TBXAS1: variants seen among roughly 807,000 people sequenced by gnomAD.
The protein encoded by TBXAS1 is thromboxane-A synthase.
TBXAS1 carries 48 observed loss-of-function variants against 60.7 expected under a neutral mutation model. The ratio of observed to expected loss-of-function variants is 0.79; its 90% CI spans 0.63 to 1.01. The LOEUF is 1.01. Ranked by LOEUF, TBXAS1 falls within the 50% of genes least tolerant of loss-of-function variation. TBXAS1 has a pLI of 0.00. For missense variants in TBXAS1, 685 were observed against 686.3 expected, an observed-to-expected ratio of 1.00 and a Z score of 0.02; for synonymous variants, 287 against 269.7, an observed-to-expected ratio of 1.06 and a Z score of -0.63.
chr7:139,800,508 C>T (rs771719198), intron 4 of TBXAS1, among the ~76,000 whole-genome samples: 5 of 152,060 alleles, frequency 3.3e-5, no homozygotes, highest in Non-Finnish European at 5.9e-5. Context: ...TCCCACTTCC[C>T]GCCACTATTC....
chr7:139,844,145 G>C (rs1051061462), intron 1 of TBXAS1, among the ~76,000 whole-genome samples: 4 of 152,264 alleles, frequency 2.6e-5, no homozygotes, highest in Middle Eastern at 3.4e-3. Flanking sequence ...CAGCCACTTA[G>C]AATACGTGGT....
intron 1 of TBXAS1, among the ~76,000 whole-genome samples, chr7:139,833,332 C>T (rs1199108534): frequency 6.6e-6 from 1 of 151,930 alleles, no homozygotes; most frequent in East Asian, 1.9e-4. Flanking sequence ...GCGAGTAGAG[C>T]AACGGTAGCT....
At chr7:139,892,359 G>A (rs1257461700) in intron 3 of TBXAS1, among the ~76,000 whole-genome samples, 2 of 152,136 alleles carry the variant, frequency 1.3e-5, no homozygotes, top group Non-Finnish European at 2.9e-5. Context: ...TTGGGAGGCC[G>A]AGGCGGGTGG....
At position 139,852,574 on chromosome 7, in the gene TBXAS1, T is replaced by C. The variant is rs1159106234; in HGVS notation, c.90-19661T>C. On this transcript the variant is annotated intron_variant, in intron 1 of 12. Coordinates refer to ENST00000448866, the MANE Select transcript of TBXAS1 (RefSeq NM_001061.7). This position sits in a 1 kb window ranked among gnomAD's most constrained non-coding sequence, Gnocchi z 4.4. Reference sequence around the variant, plus strand: ...GATGATCAAAGGTCAGTGGCTAAACTTGCTAAGAATTAGGTCAAGACAAAG... The same window carrying C: ...GATGATCAAAGGTCAGTGGCTAAACCTGCTAAGAATTAGGTCAAGACAAAG... 2.6e-5 allele frequency among the ~76,000 whole-genome samples: 4 copies of C among 152,188 alleles called. No individual in the cohort carries two copies. The highest frequency in any genetic ancestry group is 4.8e-5 in the African/African-American group (2 of 41,442).
intron 4 of TBXAS1, among the ~76,000 whole-genome samples, chr7:139,918,047 A>G (rs981084396): frequency 6.6e-6 from 1 of 152,186 alleles, no homozygotes; most frequent in Non-Finnish European, 1.5e-5. Flanking sequence ...TCAAGTGACT[A>G]AGTCCTGATC....
chr7:139,994,515 G>C (rs1813152441), intron 9 of TBXAS1, among the ~76,000 whole-genome samples: 1 of 152,120 alleles, frequency 6.6e-6, no homozygotes, highest in Non-Finnish European at 1.5e-5. Context: ...GGGCAAAGGA[G>C]GCTTTTTTTT....
intron 4 of TBXAS1, among the ~76,000 whole-genome samples, chr7:139,814,508 G>A (rs1356372272): frequency 1.3e-5 from 2 of 152,158 alleles, no homozygotes; most frequent in Non-Finnish European, 2.9e-5. Context: ...ATCACAAGGT[G>A]GTTGTTGCCA....
At chr7:139,923,626 T>C (rs1325445454) in intron 4 of TBXAS1, among the ~76,000 whole-genome samples, 2 of 152,048 alleles carry the variant, frequency 1.3e-5, no homozygotes, top group East Asian at 3.9e-4. Flanking sequence ...TTACAAACAA[T>C]CCAATTATAA....
intron 1 of TBXAS1, among the ~76,000 whole-genome samples, chr7:139,858,828 AT>A (rs1800763899): frequency 6.6e-6 from 1 of 152,122 alleles, no homozygotes; most frequent in Admixed American, 6.5e-5. Context: ...GACTTTAAAA[AT>A]CTTTCATTAT....
At chr7:139,954,594 T>C (rs911450594) in intron 6 of TBXAS1, among the ~76,000 whole-genome samples, 7 of 152,240 alleles carry the variant, frequency 4.6e-5, no homozygotes, top group Non-Finnish European at 8.8e-5. Flanking sequence ...TGTGCCTACA[T>C]TGAGAACAAA....
chr7:139,824,293 T>C (rs932022733), upstream of TBXAS1, among the ~76,000 whole-genome samples: 7 of 152,204 alleles, frequency 4.6e-5, no homozygotes, highest in East Asian at 1.4e-3. Flanking sequence ...AGTGGGCACC[T>C]CCCCGCATGG....
intron 9 of TBXAS1, among the ~76,000 whole-genome samples, chr7:139,990,501 G>C (rs2117591366): frequency 6.6e-6 from 1 of 152,216 alleles, no homozygotes; most frequent in East Asian, 1.9e-4. Flanking sequence ...CCTGTTTCCT[G>C]TCTGGGGGCA....
At chr7:139,967,241 C>A (rs188953278) in intron 9 of TBXAS1, among the ~76,000 whole-genome samples, 56 of 152,350 alleles carry the variant, frequency 3.7e-4, no homozygotes, top group Non-Finnish European at 6.8e-4. Context: ...CCTCCCTCCA[C>A]CCTGTCATGT....
At chr7:139,958,829 C>G (rs1002316775) in intron 8 of TBXAS1, among the ~76,000 whole-genome samples, 5 of 152,198 alleles carry the variant, frequency 3.3e-5, no homozygotes, top group African/African-American at 1.2e-4. Context: ...CTTGGAGGTG[C>G]GGGAAGAAGC....
chr7:139,924,001 TCC>T (rs2117119834), intron 4 of TBXAS1, among the ~76,000 whole-genome samples: 1 of 152,348 alleles, frequency 6.6e-6, no homozygotes, highest in Non-Finnish European at 1.5e-5. Flanking sequence ...TGAATTGTAC[TCC>T]CATTGTATAT....
At chr7:139,955,311 C>T in intron 6 of TBXAS1, 148 bp from the exon 7 acceptor site, 1 of 1,057,336 alleles carries the variant, frequency 9.5e-7, no homozygotes, top group Non-Finnish European at 1.4e-6. Flanking sequence ...CCACCTCCCC[C>T]CAGATCTGCA....
chr7:139,855,558 A>G (rs1272627529), intron 1 of TBXAS1, among the ~76,000 whole-genome samples: 4 of 152,204 alleles, frequency 2.6e-5, no homozygotes, highest in African/African-American at 9.7e-5. Flanking sequence ...ATTTGAGATC[A>G]GAATGTCAGA....
At chr7:139,842,967 C>T (rs1209045140) in intron 1 of TBXAS1, among the ~76,000 whole-genome samples, 1 of 152,228 alleles carries the variant, frequency 6.6e-6, no homozygotes, top group East Asian at 1.9e-4. Context: ...GTGGCTTCCA[C>T]CAATGCCTTG....
At chr7:139,830,814 T>C (rs1798652523) in intron 1 of TBXAS1, among the ~76,000 whole-genome samples, 1 of 152,178 alleles carries the variant, frequency 6.6e-6, no homozygotes, top group Admixed American at 6.5e-5. Context: ...TTCTTACTAA[T>C]GTGCTTATTC....
Sources: gnomAD v4.1 joint callset for allele counts (sites outside exome capture counted in the v4.1 genomes callset) on GRCh38, gnomAD v4.1.1 for gene constraint, Gnocchi (gnomAD v3.1) non-coding constraint, MANE v1.5 for transcripts, NCBI Gene and HGNC (gene_info 2026-07-23, HGNC 2026-07-21) for gene names.